The following BCAT1 variants were observed in gnomAD, a reference collection of about 807,000 sequenced individuals.
The protein encoded by BCAT1 is branched-chain-amino-acid aminotransferase, cytosolic.
A neutral mutation model predicts 52.4 loss-of-function variants in BCAT1; 48 were observed. The observed-to-expected ratio is 0.92, with a 90% CI of 0.73 to 1.16. BCAT1 has a LOEUF of 1.16. BCAT1 is among the 50% of genes most tolerant of loss of function. The pLI, the probability that BCAT1 is intolerant of heterozygous loss-of-function variation, is 0.00. For missense variants in BCAT1, 451 were observed against 457.1 expected (o/e 0.99, Z 0.12); for synonymous variants, 167 against 161.3 (o/e 1.04, Z -0.27).
At chr12:24,909,928 C>T (rs904365129) in intron 1 of BCAT1, among the ~76,000 whole-genome samples, 8 of 152,138 alleles carry the variant, frequency 5.3e-5, no homozygotes, top group African/African-American at 1.7e-4. Context: ...TCACTGTCAG[C>T]CCTGTGAGTG....
intron 2 of BCAT1, among the ~76,000 whole-genome samples, chr12:24,898,834 AC>A (rs1943022689): frequency 6.6e-6 from 1 of 152,038 alleles, no homozygotes; most frequent in South Asian, 2.1e-4. Context: ...CCTTTTGCTC[AC>A]CATCGTATAG....
intron 5 of BCAT1, among the ~76,000 whole-genome samples, chr12:24,852,054 A>C (rs951609155): frequency 3.3e-5 from 5 of 151,976 alleles, no homozygotes; most frequent in African/African-American, 1.2e-4. Flanking sequence ...AGAGTGAGTG[A>C]GTTCTCCTGA....
chr12:24,897,232 T>C lies in BCAT1; in HGVS notation c.79-2757A>G, dbSNP rs1273484374. Among the ~76,000 whole-genome samples the C allele has an allele frequency of 3.3e-5, 5 of 152,292 alleles. No individual in the cohort carries two copies. In the East Asian group the frequency reaches 9.6e-4, roughly 29 times the overall value. On this transcript the variant is annotated intron_variant, in intron 2 of 10. Coordinates refer to ENST00000261192, the MANE Select transcript of BCAT1 (RefSeq NM_005504.7). The stretch of plus-strand genomic sequence containing the variant: ...AAGAATGATTATGATCCAGTATATA[T>C]AATTTTTAGTTTTCTGAGACCTCTC...
chr12:24,878,683 T>C (rs1384064688), intron 4 of BCAT1, 34 bp from the exon 5 acceptor site: 8 of 1,568,990 alleles, frequency 5.1e-6, no homozygotes, highest in East Asian at 2.3e-5. Flanking sequence ...AATGACAGAA[T>C]TTTCTCACAA....
At position 24,832,717 on chromosome 12, in the gene BCAT1, T is replaced by C. The variant is rs751705194; in HGVS notation, c.1044+6A>G. The C allele has an allele frequency of 6.2e-7, 1 of 1,600,268 alleles. No individual in the cohort carries two copies. Among genetic ancestry groups the C allele is most frequent in the Non-Finnish European group, 8.5e-7 (1 of 1,174,020 alleles). On this transcript the variant is annotated splice_donor_region_variant and intron_variant, in intron 9 of 10. Transcript: ENST00000261192. ...ATGATAGGAAATGAGGAAATACTTGTCGTACCTCGCCTTTGTACAGTATAT... is the reference window on the plus strand; with the variant it reads ...ATGATAGGAAATGAGGAAATACTTGCCGTACCTCGCCTTTGTACAGTATAT...
At chr12:24,892,908 C>T (rs1942881375) in intron 3 of BCAT1, among the ~76,000 whole-genome samples, 1 of 152,166 alleles carries the variant, frequency 6.6e-6, no homozygotes, top group Non-Finnish European at 1.5e-5. Context: ...TACCTTATGA[C>T]ATGGTGAGGG....
intron 3 of BCAT1, among the ~76,000 whole-genome samples, chr12:24,887,658 G>C (rs1942721731): frequency 6.6e-6 from 1 of 152,138 alleles, no homozygotes; most frequent in Non-Finnish European, 1.5e-5. Context: ...GCAAATATGA[G>C]CATTCATTTA....
chr12:24,818,538 G>A (rs1000862264), intron 10 of BCAT1, among the ~76,000 whole-genome samples: 4 of 152,140 alleles, frequency 2.6e-5, no homozygotes, highest in African/African-American at 7.2e-5. Context: ...AGAATCTGGG[G>A]ATGGGTTCCA....
chr12:24,832,849 C>T lies in BCAT1; in HGVS notation c.918G>A (p.Val306=). ...CATCCATGGTGAGGTATCTCTCTGA[C>T]ACCTTAAATTCACCCTGCATGGAAT... ...DLAHQWGEFK[V]SERYLTMDDL... Residue 306 remains valine, a synonymous_variant, in exon 9 of 11, where the codon GTG becomes GTA. Coordinates refer to ENST00000261192, the MANE Select transcript of BCAT1 (RefSeq NM_005504.7). 6.2e-7 allele frequency: 1 copy of T among 1,610,522 alleles called. No individual in the cohort carries two copies. The highest frequency in any genetic ancestry group is 8.5e-7 in the Non-Finnish European group (1 of 1,178,568).
intron 1 of BCAT1, among the ~76,000 whole-genome samples, chr12:24,939,521 T>C (rs896970929): frequency 6.6e-6 from 1 of 152,190 alleles, no homozygotes; most frequent in Admixed American, 6.5e-5. Context: ...CTGTCAAAAA[T>C]ATGTTACTGG....
intron 5 of BCAT1, among the ~76,000 whole-genome samples, chr12:24,870,587 T>G (rs1276723573): frequency 6.6e-6 from 1 of 152,236 alleles, no homozygotes; most frequent in Non-Finnish European, 1.5e-5. Flanking sequence ...AGATAGTTTT[T>G]GCTCAGCACA....
chr12:24,826,705 GA>G (rs1940412516), intron 10 of BCAT1, among the ~76,000 whole-genome samples: 1 of 152,090 alleles, frequency 6.6e-6, no homozygotes, highest in African/African-American at 2.4e-5. Context: ...GGATTGCATT[GA>G]ATCTGTAAAT....
intron 1 of BCAT1, among the ~76,000 whole-genome samples, chr12:24,914,098 T>TTC (rs1943369623): frequency 6.6e-6 from 1 of 151,292 alleles, no homozygotes; most frequent in African/African-American, 2.4e-5. Flanking sequence ...TTTTTTTTTT[T>TTC]TGAGATGGGG....
chr12:24,842,167 C>G lies in BCAT1; in HGVS notation c.732G>C (p.Gln244His). 2 of 1,613,806 alleles carry G rather than the reference C, an allele frequency of 1.2e-6. No homozygotes were observed. Among genetic ancestry groups the G allele is most frequent in the Non-Finnish European group, 1.7e-6 (2 of 1,179,716 alleles). Residue 244 changes from glutamine to histidine, a missense_variant, in exon 7 of 11, where the codon CAG becomes CAC. Coordinates refer to ENST00000261192, the MANE Select transcript of BCAT1 (RefSeq NM_005504.7). ...QCEAVDNGCQ[Q>H]VLWLYGEDHQ... ...GGTCCTCTCCATAGAGCCACAGGAC[C>G]TGCTGACACCCATTATCTACTGCTT...
intron 1 of BCAT1, among the ~76,000 whole-genome samples, chr12:24,946,352 A>G (rs942390135): frequency 6.6e-6 from 1 of 152,330 alleles, no homozygotes; most frequent in Middle Eastern, 3.4e-3. Context: ...CAAAATTTAT[A>G]TAAGTAGAGA....
intron 8 of BCAT1, among the ~76,000 whole-genome samples, chr12:24,835,965 G>T (rs1940904974): frequency 6.6e-6 from 1 of 152,180 alleles, no homozygotes; most frequent in African/African-American, 2.4e-5. Context: ...ACATTTGCTT[G>T]CATGTTCTGA....
intron 5 of BCAT1, among the ~76,000 whole-genome samples, chr12:24,876,895 C>T (rs1242092720): frequency 6.6e-6 from 1 of 151,920 alleles, no homozygotes; most frequent in East Asian, 1.9e-4. Flanking sequence ...AGCAAACCAC[C>T]ATGGCTTACA....
intron 1 of BCAT1, among the ~76,000 whole-genome samples, chr12:24,932,998 G>A (rs1943697958): frequency 6.6e-6 from 1 of 151,548 alleles, no homozygotes; most frequent in South Asian, 2.1e-4. Context: ...TTTTAGTAGA[G>A]ACGGGGATTC....
chr12:24,902,833 A>T, intron 1 of BCAT1: 1 of 1,399,368 alleles, frequency 7.1e-7, no homozygotes, highest in Non-Finnish European at 9.5e-7. Context: ...ATGGAGGGCA[A>T]GGCGAAGGAG....
Sources: gnomAD v4.1 joint callset for allele counts (sites outside exome capture counted in the v4.1 genomes callset) on GRCh38, gnomAD v4.1.1 for gene constraint, MANE v1.5 for transcripts, NCBI Gene and HGNC (gene_info 2026-07-23, HGNC 2026-07-21) for gene names.